Variants in MMP16 observed in about 807,000 individuals in gnomAD.
The protein encoded by MMP16 is matrix metalloproteinase-16.
A neutral mutation model predicts 67.8 loss-of-function variants in MMP16; 12 were observed. The observed-to-expected ratio is 0.18, with a 90% confidence interval of 0.11 to 0.29. The LOEUF (loss-of-function observed/expected upper bound fraction) is 0.29, where lower values mean the gene tolerates loss of function less well. MMP16 is among the 10% of genes least tolerant of loss of function. The pLI is 1.00. For missense variants in MMP16, 475 were observed against 765.7 expected, an observed-to-expected ratio of 0.62 and a Z score of 4.48; for synonymous variants, 249 against 255.9, an observed-to-expected ratio of 0.97 and a Z score of 0.26.
At chr8:88,133,622 C>T (rs192977898) in intron 4 of MMP16, among the ~76,000 whole-genome samples, 1 of 151,762 alleles carries the variant, frequency 6.6e-6, no homozygotes, top group Non-Finnish European at 1.5e-5. Context: ...ATTATGCAGA[C>T]ATATTTTCAT....
At chr8:88,179,916 A>C (rs1322652864) in intron 3 of MMP16, among the ~76,000 whole-genome samples, 1 of 152,188 alleles carries the variant, frequency 6.6e-6, no homozygotes, top group East Asian at 1.9e-4. Context: ...AACAAGTACA[A>C]AAAACCAATA....
At chr8:88,124,960 C>T (rs1212960731) in intron 4 of MMP16, among the ~76,000 whole-genome samples, 1 of 151,864 alleles carries the variant, frequency 6.6e-6, no homozygotes, top group African/African-American at 2.4e-5. Flanking sequence ...TTAACTGGAC[C>T]TTATTCTGGT....
intron 4 of MMP16, among the ~76,000 whole-genome samples, chr8:88,156,362 G>A (rs1808508895): frequency 6.6e-6 from 1 of 152,016 alleles, no homozygotes; most frequent in South Asian, 2.1e-4. Context: ...CTTTTCTGAT[G>A]CATTAAATCA....
intron 3 of MMP16, among the ~76,000 whole-genome samples, 196 bp from the exon 4 acceptor site, chr8:88,168,169 T>C (rs1366724554): frequency 6.6e-6 from 1 of 152,158 alleles, no homozygotes; most frequent in Non-Finnish European, 1.5e-5. Context: ...ATAGTATTCA[T>C]GTACCAAAGT....
In MMP16 at chr8:88,229,504, T is replaced by C. The variant is rs7839704; in HGVS notation, c.133-32198A>G. Among the ~76,000 whole-genome samples the C allele has an allele frequency of 6.2e-3, 937 of 152,208 alleles. 12 individuals are homozygous for C. Among genetic ancestry groups the C allele is most frequent in the African/African-American group, 0.021 (882 of 41,558 alleles). ...TTATAATTAGGTTACAGTGAAATCT[T>C]AGCCAGGGTAAGACTATTATGAGGT... On this transcript the variant is annotated intron_variant, in intron 1 of 9. Coordinates refer to ENST00000286614, the MANE Select transcript of MMP16 (RefSeq NM_005941.5).
At chr8:88,143,783 T>C (rs1388923510) in intron 4 of MMP16, among the ~76,000 whole-genome samples, 1 of 151,834 alleles carries the variant, frequency 6.6e-6, no homozygotes, top group African/African-American at 2.4e-5. Context: ...AATTAAGAGG[T>C]AGAAAAGACC....
chr8:88,276,291 T>C (rs1313933914), intron 1 of MMP16, among the ~76,000 whole-genome samples: 2 of 152,094 alleles, frequency 1.3e-5, no homozygotes, highest in Non-Finnish European at 2.9e-5. Flanking sequence ...TAAATGTATG[T>C]GTCAGTAAGT....
At chr8:88,174,529 A>T (rs892435310) in intron 3 of MMP16, among the ~76,000 whole-genome samples, 4 of 152,228 alleles carry the variant, frequency 2.6e-5, no homozygotes, top group Non-Finnish European at 5.9e-5. Context: ...AACCTAAGTG[A>T]ATACATTTTT....
intron 4 of MMP16, among the ~76,000 whole-genome samples, chr8:88,123,897 G>A (rs1032214203): frequency 1.3e-5 from 2 of 151,688 alleles, no homozygotes; most frequent in Non-Finnish European, 2.9e-5. Flanking sequence ...CCTTCTCCCT[G>A]CCCACCATCC....
chr8:88,222,230 C>A (rs539715781), intron 1 of MMP16, among the ~76,000 whole-genome samples: 5 of 151,856 alleles, frequency 3.3e-5, no homozygotes, highest in Admixed American at 3.3e-4. Context: ...TAAATAGCAA[C>A]CTTCATGAGA....
chr8:88,116,850 A>C (rs1327172878), intron 5 of MMP16, 132 bp from the exon 6 acceptor site: 2 of 797,476 alleles, frequency 2.5e-6, no homozygotes, highest in Non-Finnish European at 1.9e-6. Flanking sequence ...AAGATCGTAT[A>C]TTTTCTGAAA....
intron 1 of MMP16, among the ~76,000 whole-genome samples, chr8:88,260,224 T>G (rs929310124): frequency 3.3e-5 from 5 of 152,166 alleles, no homozygotes; most frequent in Non-Finnish European, 5.9e-5. Flanking sequence ...TTGAGTATAT[T>G]TTTAACTGTA....
chr8:88,120,178 G>T (rs1315388590), intron 4 of MMP16, among the ~76,000 whole-genome samples: 2 of 151,478 alleles, frequency 1.3e-5, no homozygotes, highest in Non-Finnish European at 2.9e-5. Context: ...AGTCATAGGA[G>T]GAAGAAAAAA....
intron 5 of MMP16, among the ~76,000 whole-genome samples, chr8:88,117,549 T>C (rs970006634): frequency 2.0e-5 from 3 of 152,118 alleles, no homozygotes; most frequent in African/African-American, 4.8e-5. Context: ...CTTCTTTCAG[T>C]GAACCACTTA....
At chr8:88,248,966 A>AAAATT (rs1810163837) in intron 1 of MMP16, among the ~76,000 whole-genome samples, 1 of 152,028 alleles carries the variant, frequency 6.6e-6, no homozygotes, top group Non-Finnish European at 1.5e-5. Flanking sequence ...AATTTCTTGT[A>AAAATT]AAATTAAACT....
At chr8:88,142,548 A>G (rs1466459733) in intron 4 of MMP16, among the ~76,000 whole-genome samples, 7 of 152,124 alleles carry the variant, frequency 4.6e-5, no homozygotes, top group Admixed American at 3.9e-4. Context: ...TCTAACTTCC[A>G]GTTTTAAAAA....
Position 88,327,048 on chromosome 8 carries a change from G to A in MMP16, c.132+27C>T, listed in dbSNP as rs374375444. On this transcript the variant is annotated intron_variant, in intron 1 of 9. Transcript: ENST00000286614. ...TCAGGGAGCAGCCCAGGCAGCGGGGGGAGGAAGAAAGCCCTCGCACTCTTA... is the reference window on the plus strand; with the variant it reads ...TCAGGGAGCAGCCCAGGCAGCGGGGAGAGGAAGAAAGCCCTCGCACTCTTA... The A allele has an allele frequency of 5.3e-5, 86 of 1,612,820 alleles. 3 individuals carry two copies. In the Admixed American group the frequency reaches 1.4e-3, roughly 26 times the overall value.
intron 1 of MMP16, among the ~76,000 whole-genome samples, chr8:88,320,268 C>T (rs1409561757): frequency 1.3e-5 from 2 of 152,142 alleles, no homozygotes; most frequent in African/African-American, 4.8e-5. Context: ...AAATTAAAAT[C>T]ACTTTAGTCT....
intron 1 of MMP16, among the ~76,000 whole-genome samples, chr8:88,274,054 G>A (rs1444578269): frequency 6.6e-6 from 1 of 152,050 alleles, no homozygotes; most frequent in East Asian, 1.9e-4. Flanking sequence ...AGAGAAGAAG[G>A]TATAAAATAA....
Sources: allele counts gnomAD v4.1 joint callset (sites outside exome capture counted in the v4.1 genomes callset), GRCh38; gene constraint gnomAD v4.1.1; transcripts MANE v1.5; gene names NCBI Gene and HGNC (gene_info 2026-07-23, HGNC 2026-07-21).